SLC4A4: variants seen among roughly 807,000 people sequenced by gnomAD.
SLC4A4 encodes the protein solute carrier family 4 member 4.
A neutral mutation model predicts 111.5 loss-of-function variants in SLC4A4; 27 were observed. The ratio of observed to expected loss-of-function variants is 0.24; its 90% CI spans 0.18 to 0.33. The LOEUF (loss-of-function observed/expected upper bound fraction) is 0.33, where lower values mean the gene tolerates loss of function less well. Among genes scored for constraint, SLC4A4 ranks in the 10% least tolerant of loss-of-function variants. The pLI is 1.00. For missense variants in SLC4A4, 909 were observed against 1,315.5 expected (o/e 0.69, Z 4.78); for synonymous variants, 443 against 463.4 (o/e 0.96, Z 0.57).
chr4:71,071,606 G>A lies in SLC4A4; in HGVS notation c.-65+8818G>A, dbSNP rs184658378. 1.1e-3 allele frequency among the ~76,000 whole-genome samples: 172 copies of A among 152,128 alleles called. 1 individual carries two copies. Among genetic ancestry groups the A allele is most frequent in the African/African-American group, 3.6e-3 (149 of 41,494 alleles). On this transcript the variant is annotated intron_variant, in intron 1 of 26. Transcript: ENST00000649996. The stretch of plus-strand genomic sequence containing the variant: ...CCCAGAGGCAATCATTGCTACTAGC[G>A]TCTTAAGTTATCCTTCCAGAGATGT...
At chr4:71,284,377 G>A (rs1022142205) in intron 3 of SLC4A4, among the ~76,000 whole-genome samples, 1 of 152,210 alleles carries the variant, frequency 6.6e-6, no homozygotes, top group East Asian at 1.9e-4. Context: ...TGCTTTGCAT[G>A]GTGGTCCGTT....
intron 2 of SLC4A4, among the ~76,000 whole-genome samples, chr4:71,251,520 C>T (rs1303151142): frequency 2.6e-5 from 4 of 152,078 alleles, no homozygotes; most frequent in Non-Finnish European, 5.9e-5. Context: ...GGAGATATTC[C>T]CAAGATATTT....
rs536393906 is a variant in SLC4A4 at position 71,148,637 on chromosome 4, G to A, written c.-2+55845G>A. Among the ~76,000 whole-genome samples, 73 of 152,220 alleles carry A rather than the reference G, an allele frequency of 4.8e-4. 1 individual carries two copies. The highest frequency in any genetic ancestry group is 1.7e-3 in the African/African-American group (70 of 41,538). Reference sequence around the variant, plus strand: ...TCCTTTAGCTTCCACTTATAAAAGAGAGCATGTGGTATTTGGTTTTCTGTT... The same window carrying A: ...TCCTTTAGCTTCCACTTATAAAAGAAAGCATGTGGTATTTGGTTTTCTGTT... On this transcript the variant is annotated intron_variant, in intron 2 of 26. Coordinates refer to the SLC4A4 transcript ENST00000649996.
At chr4:71,334,661 G>A (rs1163553677) in intron 3 of SLC4A4, among the ~76,000 whole-genome samples, 1 of 152,142 alleles carries the variant, frequency 6.6e-6, no homozygotes, top group African/African-American at 2.4e-5. Context: ...GGTTGCTCAG[G>A]TGCCTATATG....
intron 7 of SLC4A4, among the ~76,000 whole-genome samples, chr4:71,436,567 T>G (rs1724166057): frequency 6.6e-6 from 1 of 152,124 alleles, no homozygotes; most frequent in Admixed American, 6.6e-5. Flanking sequence ...AAAATACTTT[T>G]GCACTAACCT....
chr4:71,148,135 C>A (rs1463922997), intron 2 of SLC4A4, among the ~76,000 whole-genome samples: 3 of 152,182 alleles, frequency 2.0e-5, no homozygotes, highest in Non-Finnish European at 4.4e-5. Flanking sequence ...TATGTTCCAT[C>A]TTTCTTCTCT....
chr4:71,212,476 C>T (rs181959399), intron 1 of SLC4A4, among the ~76,000 whole-genome samples: 1 of 152,298 alleles, frequency 6.6e-6, no homozygotes, highest in East Asian at 1.9e-4. Flanking sequence ...AATACCAGTG[C>T]TGACCTGCTG....
rs10014085 is a variant in SLC4A4 at position 71,265,389 on chromosome 4, A to T, written c.253+9990A>T. On this transcript the variant is annotated intron_variant, in intron 3 of 25. Transcript: ENST00000264485. ...TATTTTTAAATAACAATTGAGTTTTAAAAATGTCATTGATTTCTGTATTTT... is the reference window on the plus strand; with the variant it reads ...TATTTTTAAATAACAATTGAGTTTTTAAAATGTCATTGATTTCTGTATTTT... Among the ~76,000 whole-genome samples the T allele has an allele frequency of 5.9e-3, 902 of 152,330 alleles. 14 individuals carry two copies. The highest frequency in any genetic ancestry group is 0.02 in the African/African-American group (824 of 41,576).
chr4:71,215,293 A>G (rs1290590443), intron 1 of SLC4A4, among the ~76,000 whole-genome samples: 5 of 152,062 alleles, frequency 3.3e-5, no homozygotes, highest in African/African-American at 1.2e-4. Flanking sequence ...GTTTTGTTTT[A>G]CTAAGAACTT....
rs7692347 is a variant in SLC4A4 at position 71,095,155 on chromosome 4, C to T, written c.-2+2363C>T. ...TTTGGGATTTGGAAAACTTGAATCT[C>T]TTTCCCTACTTCTACGTGAAGCCAT... On this transcript the variant is annotated intron_variant, in intron 2 of 26. Transcript: ENST00000649996. Among the ~76,000 whole-genome samples, 751 of 152,318 alleles carry T rather than the reference C, an allele frequency of 4.9e-3. 7 individuals carry two copies. The highest frequency in any genetic ancestry group is 0.017 in the African/African-American group (717 of 41,580).
intron 1 of SLC4A4, among the ~76,000 whole-genome samples, chr4:71,217,293 T>C (rs1373257338): frequency 6.6e-6 from 1 of 152,098 alleles, no homozygotes; most frequent in Non-Finnish European, 1.5e-5. Flanking sequence ...ATGGGCTGGG[T>C]GTGGTGGCTC....
chr4:71,086,305 C>T (rs932851258), intron 1 of SLC4A4, among the ~76,000 whole-genome samples: 1,820 of 151,690 alleles, frequency 0.012, 46 homozygotes, highest in African/African-American at 0.042. Context: ...AGATTTTGGG[C>T]TAAGACGATG....
intron 2 of SLC4A4, among the ~76,000 whole-genome samples, chr4:71,100,967 A>T (rs1170146090): frequency 1.3e-5 from 2 of 152,184 alleles, no homozygotes; most frequent in Admixed American, 6.5e-5. Flanking sequence ...ACGGAAAAAC[A>T]TGCCATGCTC....
intron 3 of SLC4A4, among the ~76,000 whole-genome samples, chr4:71,331,035 C>A (rs1727941083): frequency 6.6e-6 from 1 of 152,068 alleles, no homozygotes; most frequent in African/African-American, 2.4e-5. Flanking sequence ...AATGAGATAC[C>A]ATCTCACACC....
At chr4:71,317,541 T>A (rs190474894) in intron 3 of SLC4A4, among the ~76,000 whole-genome samples, 2 of 152,246 alleles carry the variant, frequency 1.3e-5, no homozygotes, top group Non-Finnish European at 1.5e-5. Flanking sequence ...TATTTGGTAA[T>A]ATATAGTCCT....
intron 1 of SLC4A4, among the ~76,000 whole-genome samples, chr4:71,091,239 T>TCAA (rs1243717281): frequency 6.9e-6 from 1 of 145,428 alleles, no homozygotes; most frequent in Non-Finnish European, 1.5e-5. Context: ...TGAGCCACTG[T>TCAA]GCCTGGCCTT....
chr4:71,409,194 T>C (rs946927264), intron 7 of SLC4A4, among the ~76,000 whole-genome samples: 2 of 152,092 alleles, frequency 1.3e-5, no homozygotes, highest in African/African-American at 4.8e-5. Flanking sequence ...AAGTGGGGTG[T>C]TGCTGAAAAA....
intron 23 of SLC4A4, among the ~76,000 whole-genome samples, chr4:71,560,932 A>G (rs965008566): frequency 6.6e-6 from 1 of 151,800 alleles, no homozygotes; most frequent in Non-Finnish European, 1.5e-5. Flanking sequence ...TTAGGAGACC[A>G]GCTCACAGAA....
intron 2 of SLC4A4, among the ~76,000 whole-genome samples, chr4:71,135,304 T>C (rs1743815187): frequency 6.7e-6 from 1 of 150,338 alleles, no homozygotes; most frequent in African/African-American, 2.4e-5. Flanking sequence ...CTCTTTTTTT[T>C]TTTTTTTTTG....
Sources: allele counts gnomAD v4.1 joint callset (sites outside exome capture counted in the v4.1 genomes callset), GRCh38; gene constraint gnomAD v4.1.1; transcripts MANE v1.5; gene names NCBI Gene and HGNC (gene_info 2026-07-23, HGNC 2026-07-21).